The following FAT3 variants were observed in gnomAD, a reference collection of about 807,000 sequenced individuals.
FAT3 encodes the protein FAT atypical cadherin 3.
A neutral mutation model predicts 310.2 loss-of-function variants in FAT3; 95 were observed. The observed-to-expected ratio is 0.31, with a 90% confidence interval of 0.26 to 0.36. The LOEUF is 0.36. Ranked by LOEUF, FAT3 falls within the 10% of genes least tolerant of loss-of-function variation. The probability of loss-of-function intolerance (pLI) is 1.00; values close to 1 mark genes in which losing one functional copy is unlikely to be tolerated. For missense variants in FAT3, 5,408 were observed against 5,715.6 expected, an observed-to-expected ratio of 0.95 and a Z score of 1.74; for synonymous variants, 2,314 against 2,192.9, an observed-to-expected ratio of 1.06 and a Z score of -1.54.
intron 2 of FAT3, among the ~76,000 whole-genome samples, chr11:92,455,216 A>G (rs1192706633): frequency 6.6e-6 from 1 of 152,168 alleles, no homozygotes; most frequent in Non-Finnish European, 1.5e-5. Flanking sequence ...AAGATCATAT[A>G]ATTTCTATTT....
In FAT3 at chr11:92,892,013, A is replaced by G. The variant is rs1385919884; in HGVS notation, c.*900A>G. On this transcript the variant is annotated 3_prime_UTR_variant, in exon 28 of 28. Transcript: ENST00000525166. ...GCAAAACTCACAAATTCAGGGGGGA[A>G]AAAAGAAAAAACGATACCTTCAAAG... 4.8e-5 allele frequency: 7 copies of G among 144,500 alleles called. No homozygotes were observed. Among genetic ancestry groups the G allele is most frequent in the Admixed American group, 1.4e-4 (2 of 13,960 alleles). The allele number at this position is 144,500 out of a possible 1,614,324, so 9.0% of individuals were successfully genotyped here.
At chr11:92,306,500 T>C (rs537594006) in intron 1 of FAT3, among the ~76,000 whole-genome samples, 88 of 130,378 alleles carry the variant, frequency 6.7e-4, no homozygotes, top group Non-Finnish European at 1.2e-3. Flanking sequence ...TTATATTATA[T>C]ATGTTATATA....
At position 92,889,698 on chromosome 11, in the gene FAT3, C is replaced by T. The variant is rs565995322; in HGVS notation, c.13112-158C>T. ...TCTGTTTTGTTTTGCTTTGTTTTTT[C>T]CCTAAATAACAATGGGAAGAAATAA... is the stretch of plus-strand genomic sequence containing the variant. On this transcript the variant is annotated intron_variant, in intron 26 of 27. Coordinates refer to ENST00000525166, the MANE Select transcript of FAT3 (RefSeq NM_001367949.2). 2.0e-5 allele frequency among the ~76,000 whole-genome samples: 3 copies of T among 152,116 alleles called. No individual in the cohort carries two copies. In the South Asian group the frequency reaches 6.2e-4, roughly 32 times the overall value.
At position 92,844,351 on chromosome 11, in the gene FAT3, G is replaced by A. The variant is rs375566944; in HGVS notation, c.10984G>A (p.Val3662Met). The A allele has an allele frequency of 6.2e-6, 10 of 1,613,828 alleles. No individual in the cohort carries two copies. Among genetic ancestry groups the A allele is most frequent in the African/African-American group, 5.3e-5 (4 of 74,922 alleles). ...TGAAAATGTGTCCCCTGAGGACTTC[G>A]TGGGGCTGCACATGCATGGGTTCCG... is the stretch of plus-strand genomic sequence containing the variant. ...RFENVSPEDF[V>M]GLHMHGFRRT... The change falls in exon 19 of 28, where the codon GTG (valine) becomes ATG (methionine). Residue 3662 changes from valine to methionine, a missense_variant. By Grantham distance (21) the Val-to-Met change is conservative. Around this residue, in one of 5 missense-constraint regions of FAT3, gnomAD observed 4,588 missense variants for 4,809.8 expected, o/e 0.95. Coordinates refer to ENST00000525166, the MANE Select transcript of FAT3 (RefSeq NM_001367949.2).
intron 2 of FAT3, among the ~76,000 whole-genome samples, chr11:92,519,435 G>A (rs1400207973): frequency 6.6e-6 from 1 of 151,994 alleles, no homozygotes; most frequent in African/African-American, 2.4e-5. Flanking sequence ...TAGACCAGAA[G>A]AAAACACAGG....
chr11:92,518,410 A>G (rs1953564970), intron 2 of FAT3, among the ~76,000 whole-genome samples: 1 of 152,070 alleles, frequency 6.6e-6, no homozygotes, highest in Non-Finnish European at 1.5e-5. Flanking sequence ...ACTAACACAG[A>G]ACAGAAAACC....
At chr11:92,285,716 C>T (rs1403952717) in intron 1 of FAT3, among the ~76,000 whole-genome samples, 3 of 152,136 alleles carry the variant, frequency 2.0e-5, no homozygotes, top group Admixed American at 6.6e-5. Flanking sequence ...GGTTCCCTTG[C>T]GCATGTCCTG....
intron 2 of FAT3, among the ~76,000 whole-genome samples, chr11:92,431,764 C>G (rs1950786666): frequency 6.6e-6 from 1 of 152,176 alleles, no homozygotes; most frequent in East Asian, 1.9e-4. Context: ...GAATCCTTTC[C>G]CCATTGCTTG....
intron 3 of FAT3, among the ~76,000 whole-genome samples, chr11:92,638,271 C>G (rs751128347): frequency 6.6e-6 from 1 of 152,170 alleles, no homozygotes; most frequent in Non-Finnish European, 1.5e-5. Context: ...TGAACTCATA[C>G]GTCTTTTCAT....
chr11:92,462,294 G>A (rs1360661541), intron 2 of FAT3, among the ~76,000 whole-genome samples: 2 of 151,902 alleles, frequency 1.3e-5, no homozygotes, highest in Non-Finnish European at 2.9e-5. Context: ...GTATCTGATA[G>A]GTAGTTTTTC....
chr11:92,877,823 G>T (rs1412633432), intron 22 of FAT3, among the ~76,000 whole-genome samples: 1 of 152,150 alleles, frequency 6.6e-6, no homozygotes, highest in Non-Finnish European at 1.5e-5. Flanking sequence ...GATATATGCA[G>T]CTACTCCTCA....
intron 3 of FAT3, among the ~76,000 whole-genome samples, chr11:92,556,696 G>T (rs891023639): frequency 2.0e-5 from 3 of 152,146 alleles, no homozygotes; most frequent in African/African-American, 7.2e-5. Flanking sequence ...AATTTATCAT[G>T]CTGTAACTCT....
intron 6 of FAT3, among the ~76,000 whole-genome samples, chr11:92,771,796 G>A (rs1278371265): frequency 2.0e-5 from 3 of 151,426 alleles, no homozygotes; most frequent in Non-Finnish European, 4.4e-5. Context: ...AGCCAAAAAT[G>A]GTATTTGATA....
chr11:92,524,516 T>G, intron 2 of FAT3, 118 bp from the exon 3 acceptor site: 1 of 842,360 alleles, frequency 1.2e-6, no homozygotes, highest in Non-Finnish European at 1.8e-6. Context: ...CCTTATGTTA[T>G]GGATTTGGGT....
chr11:92,634,960 C>A (rs1321980928), intron 3 of FAT3, among the ~76,000 whole-genome samples: 1 of 152,178 alleles, frequency 6.6e-6, no homozygotes, highest in Non-Finnish European at 1.5e-5. Flanking sequence ...CCTCTGAGCA[C>A]CCACAGCGGA....
intron 2 of FAT3, among the ~76,000 whole-genome samples, chr11:92,488,222 A>G (rs1952483419): frequency 6.6e-6 from 1 of 151,994 alleles, no homozygotes; most frequent in Non-Finnish European, 1.5e-5. Flanking sequence ...AATTAATTCT[A>G]CCGGCAGCCT....
intron 3 of FAT3, among the ~76,000 whole-genome samples, chr11:92,599,572 C>A (rs1176213148): frequency 1.3e-5 from 2 of 152,308 alleles, no homozygotes; most frequent in South Asian, 4.1e-4. Flanking sequence ...GTGGGAGGAT[C>A]AGACATTCCA....
intron 13 of FAT3, among the ~76,000 whole-genome samples, chr11:92,827,960 T>C (rs569216011): frequency 2.6e-5 from 4 of 152,286 alleles, no homozygotes; most frequent in African/African-American, 9.6e-5. Flanking sequence ...TTAAAGAAGC[T>C]AAGTATCTCC....
chr11:92,578,947 T>C (rs1281811401), intron 3 of FAT3, among the ~76,000 whole-genome samples: 2 of 152,116 alleles, frequency 1.3e-5, no homozygotes, highest in Non-Finnish European at 2.9e-5. Flanking sequence ...GAAAAACTGA[T>C]GAAAATAAAG....
Sources: allele counts gnomAD v4.1 joint callset (sites outside exome capture counted in the v4.1 genomes callset), GRCh38; gene constraint gnomAD v4.1.1; regional missense constraint gnomAD v4.1.1; transcripts MANE v1.5; gene names NCBI Gene and HGNC (gene_info 2026-07-23, HGNC 2026-07-21).